The following MYT1L variants were observed in gnomAD, a reference collection of about 807,000 sequenced individuals.
MYT1L encodes the protein myelin transcription factor 1 like.
A neutral mutation model predicts 126.7 loss-of-function variants in MYT1L; 12 were observed. The observed-to-expected ratio is 0.09, with a 90% confidence interval of 0.06 to 0.15. The LOEUF (loss-of-function observed/expected upper bound fraction) is 0.15, where lower values mean the gene tolerates loss of function less well. Among genes scored for constraint, MYT1L ranks in the 10% least tolerant of loss-of-function variants. The probability of loss-of-function intolerance (pLI) is 1.00; values close to 1 mark genes in which losing one functional copy is unlikely to be tolerated. For synonymous variants in MYT1L, 541 were observed against 604.2 expected, an observed-to-expected ratio of 0.90 and a Z score of 1.53; for missense variants, 979 against 1,585.2, an observed-to-expected ratio of 0.62 and a Z score of 6.49.
At chr2:2,295,539 G>GAGAGAGAGACAGAGAGACAGACAGAC (rs1559582676) in intron 1 of MYT1L, among the ~76,000 whole-genome samples, 2 of 72,242 alleles carry the variant, frequency 2.8e-5, no homozygotes, top group African/African-American at 8.1e-5. Context: ...GAGAAAGATA[G>GAGAGAGAGACAGAGAGACAGACAGAC]AGAGAGAGAG....
chr2:2,006,933 T>C (rs1346395664), intron 4 of MYT1L, among the ~76,000 whole-genome samples: 2 of 152,188 alleles, frequency 1.3e-5, no homozygotes, highest in Non-Finnish European at 2.9e-5. Context: ...TACAATATTT[T>C]TCTTTCTGCA....
intron 1 of MYT1L, among the ~76,000 whole-genome samples, chr2:2,310,510 A>G (rs2095949557): frequency 6.6e-6 from 1 of 152,208 alleles, no homozygotes; most frequent in Non-Finnish European, 1.5e-5. Flanking sequence ...TTGTCTAATC[A>G]AAAACTTCCT....
chr2:2,288,691 A>G (rs1347025959), intron 1 of MYT1L, among the ~76,000 whole-genome samples: 1 of 152,200 alleles, frequency 6.6e-6, no homozygotes, highest in East Asian at 1.9e-4. Flanking sequence ...AATATCACAT[A>G]TGTAATTCTT....
intron 2 of MYT1L, among the ~76,000 whole-genome samples, chr2:2,234,985 AC>A (rs1280749887): frequency 6.6e-6 from 1 of 151,040 alleles, no homozygotes; most frequent in East Asian, 1.9e-4. Flanking sequence ...CTCACCCTGG[AC>A]CTCCCCTTTT....
intron 3 of MYT1L, among the ~76,000 whole-genome samples, chr2:2,172,198 G>C (rs191310234): frequency 6.6e-6 from 1 of 151,972 alleles, no homozygotes; most frequent in Non-Finnish European, 1.5e-5. Context: ...CTAGGTATGC[G>C]CCAATCTCTT....
chr2:2,014,070 G>A (rs948596631), intron 4 of MYT1L, among the ~76,000 whole-genome samples: 2 of 152,182 alleles, frequency 1.3e-5, no homozygotes, highest in African/African-American at 4.8e-5. Context: ...AACTGCTAAG[G>A]AAGAACCAGA....
intron 4 of MYT1L, among the ~76,000 whole-genome samples, chr2:2,048,536 C>T (rs1353240936): frequency 6.6e-6 from 1 of 152,160 alleles, no homozygotes; most frequent in Non-Finnish European, 1.5e-5. Context: ...TAAGGCTGTG[C>T]CACACACCAG....
At chr2:1,932,998 G>C (rs982281668) in intron 9 of MYT1L, among the ~76,000 whole-genome samples, 3 of 152,162 alleles carry the variant, frequency 2.0e-5, no homozygotes, top group African/African-American at 7.2e-5. Context: ...GGTTGCCTGT[G>C]TCAGCGTGCC....
chr2:2,066,216 A>G (rs1261575549), intron 3 of MYT1L, among the ~76,000 whole-genome samples: 1 of 152,216 alleles, frequency 6.6e-6, no homozygotes, highest in East Asian at 1.9e-4. Context: ...CTCTTATTAA[A>G]TAAGATCAGC....
chr2:2,241,987 A>G (rs2094449189), intron 2 of MYT1L, among the ~76,000 whole-genome samples: 1 of 152,178 alleles, frequency 6.6e-6, no homozygotes, highest in Non-Finnish European at 1.5e-5. Context: ...CCTTGCATTT[A>G]GTGAAGTGCT....
chr2:1,903,659 A>T (rs941247251), intron 13 of MYT1L, among the ~76,000 whole-genome samples: 1 of 152,194 alleles, frequency 6.6e-6, no homozygotes, highest in African/African-American at 2.4e-5. Context: ...AGAGTTGCCG[A>T]ATTATACACA....
At chr2:2,041,873 AAGTTTCTTCCTTCC>A (rs2067585306) in intron 4 of MYT1L, among the ~76,000 whole-genome samples, 1 of 152,320 alleles carries the variant, frequency 6.6e-6, no homozygotes, top group East Asian at 1.9e-4. Flanking sequence ...CTCTGTAGAA[AAGTTTCTTCCTTCC>A]AGTGAGATTG....
intron 3 of MYT1L, among the ~76,000 whole-genome samples, chr2:2,097,189 C>T (rs918380053): frequency 1.3e-5 from 2 of 152,244 alleles, no homozygotes; most frequent in African/African-American, 4.8e-5. Context: ...CCCAGGTGAC[C>T]GAGGCGCTGC....
At chr2:2,288,300 T>C (rs2095551945) in intron 1 of MYT1L, among the ~76,000 whole-genome samples, 1 of 152,180 alleles carries the variant, frequency 6.6e-6, no homozygotes, top group Non-Finnish European at 1.5e-5. Flanking sequence ...GATCATCTAA[T>C]TTCTCAGCAA....
intron 3 of MYT1L, among the ~76,000 whole-genome samples, chr2:2,109,814 A>C (rs894940374): frequency 6.8e-6 from 1 of 148,090 alleles, no homozygotes; most frequent in Non-Finnish European, 1.5e-5. Context: ...GCACACAAAG[A>C]AAAAACTAGC....
Position 1,887,393 on chromosome 2 carries a change from C to G in MYT1L, c.2642+95G>C. On this transcript the variant is annotated intron_variant, in intron 17 of 24. Coordinates refer to ENST00000647738, the MANE Select transcript of MYT1L (RefSeq NM_001303052.2). The surrounding 1 kb of genome is among the most constrained non-coding windows in gnomAD (Gnocchi z 4.8). The stretch of plus-strand genomic sequence containing the variant: ...TTATATGCTGCGAATGTCGCATGCT[C>G]AAACGGCAAGGCATATACAGATCCA... The G allele has an allele frequency of 6.5e-7, 1 of 1,531,184 alleles. No individual in the cohort carries two copies. The highest frequency in any genetic ancestry group is 9.0e-7 in the Non-Finnish European group (1 of 1,112,088). 94.8% of individuals were successfully genotyped at this position (1,531,184 alleles called of 1,614,324 possible). A position where few individuals can be genotyped will look rare whatever the true frequency, so the allele number is the denominator to read the frequency against.
intron 3 of MYT1L, among the ~76,000 whole-genome samples, chr2:2,153,845 A>C (rs1559162308): frequency 6.6e-6 from 1 of 152,074 alleles, no homozygotes; most frequent in Non-Finnish European, 1.5e-5. Flanking sequence ...GGTTGGCAGC[A>C]AGGGCTGAGG....
At chr2:2,024,103 G>A (rs940661381) in intron 4 of MYT1L, among the ~76,000 whole-genome samples, 5 of 151,880 alleles carry the variant, frequency 3.3e-5, no homozygotes, top group African/African-American at 1.2e-4. Flanking sequence ...TTTTTATCTT[G>A]ACTATAATCT....
chr2:1,908,240 G>A (rs1304912991), intron 13 of MYT1L, among the ~76,000 whole-genome samples: 1 of 152,250 alleles, frequency 6.6e-6, no homozygotes, highest in Non-Finnish European at 1.5e-5. Flanking sequence ...GAACATCGGA[G>A]TGGAGGCTGT....
Sources: allele counts gnomAD v4.1 joint callset (sites outside exome capture counted in the v4.1 genomes callset), GRCh38; gene constraint gnomAD v4.1.1; non-coding constraint Gnocchi (gnomAD v3.1); transcripts MANE v1.5; gene names NCBI Gene and HGNC (gene_info 2026-07-23, HGNC 2026-07-21).